Variants in ZSCAN23 observed in about 807,000 individuals in gnomAD.
ZSCAN23 encodes the protein zinc finger and SCAN domain-containing protein 23.
ZSCAN23 carries 19 observed loss-of-function variants against 19.3 expected under a neutral mutation model. The ratio of observed to expected loss-of-function variants is 0.99; its 90% CI spans 0.69 to 1.45. ZSCAN23 has a LOEUF of 1.45. Ranked by LOEUF, ZSCAN23 falls within the 40% of genes most tolerant of loss-of-function variation. ZSCAN23 has a pLI of 0.00. For missense variants in ZSCAN23, 372 were observed against 462.5 expected (o/e 0.80, Z 1.79); for synonymous variants, 140 against 166.2 (o/e 0.84, Z 1.21).
At chr6:28,422,919 G>A in the ZSCAN23 span, among the ~76,000 whole-genome samples, 2 of 152,138 alleles carry the variant, frequency 1.3e-5, no homozygotes, top group Admixed American at 1.3e-4. This position sits in a 1 kb window ranked among gnomAD's most constrained non-coding sequence, Gnocchi z 4.0. Context: ...CCTCCTCAGC[G>A]TTCTCCTTAA....
At chr6:28,430,191 A>C (rs1217600407), downstream of ZSCAN23, among the ~76,000 whole-genome samples, 4 of 139,966 alleles carry the variant, frequency 2.9e-5, no homozygotes, top group Admixed American at 2.9e-4. Flanking sequence ...CCAGGGTCTC[A>C]GGCATCAGGG....
chr6:28,435,935 T>G lies in ZSCAN23; in HGVS notation c.332A>C (p.His111Pro). ...TGCCTCCTCTCCACTCACAGGACGG[T>G]GCTGTCTGACCCAGGCCTGGAGCTC... ...PEELQAWVRQ[H>P]RPVSGEEAVT... Residue 111 changes from histidine to proline, a missense_variant, in exon 2 of 4, where the codon CAC becomes CCC. His to Pro is a moderately conservative substitution (Grantham distance 77). Transcript: ENST00000289788. 6.2e-7 allele frequency: 1 copy of G among 1,614,164 alleles called. No individual in the cohort carries two copies. Among genetic ancestry groups the G allele is most frequent in the Non-Finnish European group, 8.5e-7 (1 of 1,180,004 alleles).
chr6:28,438,454 G>A (rs1168106394), intron 1 of ZSCAN23, among the ~76,000 whole-genome samples: 1 of 152,178 alleles, frequency 6.6e-6, no homozygotes, highest in Admixed American at 6.5e-5. Flanking sequence ...ACTAAGAATA[G>A]GGTATTTTAT....
chr6:28,422,606 A>G, the ZSCAN23 span, among the ~76,000 whole-genome samples: 1 of 152,198 alleles, frequency 6.6e-6, no homozygotes, highest in African/African-American at 2.4e-5. The surrounding 1 kb of genome is among the most constrained non-coding windows in gnomAD (Gnocchi z 4.0). Context: ...ATATAGAAAA[A>G]CATTCTCCTG....
chr6:28,441,239 C>T (rs985926392), intron 1 of ZSCAN23, among the ~76,000 whole-genome samples: 4 of 152,152 alleles, frequency 2.6e-5, no homozygotes, highest in Non-Finnish European at 4.4e-5. Flanking sequence ...CCCTCACCTC[C>T]GCTGACACCA....
downstream of ZSCAN23, among the ~76,000 whole-genome samples, chr6:28,428,653 G>GC (rs1341940926): frequency 6.6e-6 from 1 of 151,928 alleles, no homozygotes; most frequent in Non-Finnish European, 1.5e-5. Context: ...TTTCAGTTTT[G>GC]CCCCTTTCCA....
chr6:28,430,315 C>T (rs574559389), downstream of ZSCAN23, among the ~76,000 whole-genome samples: 27 of 152,222 alleles, frequency 1.8e-4, no homozygotes, highest in African/African-American at 6.5e-4. Flanking sequence ...CACAGGCACA[C>T]TCAGAGCTCC....
At chr6:28,442,938 T>C (rs1160291365) in intron 1 of ZSCAN23, among the ~76,000 whole-genome samples, 1 of 152,198 alleles carries the variant, frequency 6.6e-6, no homozygotes, top group Non-Finnish European at 1.5e-5. Flanking sequence ...GTAGATGCTA[T>C]TTATTCTTTT....
At chr6:28,426,230 A>G in the ZSCAN23 span, among the ~76,000 whole-genome samples, 1 of 152,230 alleles carries the variant, frequency 6.6e-6, no homozygotes, top group Non-Finnish European at 1.5e-5. Flanking sequence ...CAAGAGGCCT[A>G]GCTTTCAACC....
At chr6:28,436,424 A>C (rs1249935659) in intron 1 of ZSCAN23, 81 bp from the exon 2 acceptor site, 1 of 665,412 alleles carries the variant, frequency 1.5e-6, no homozygotes, top group African/African-American at 1.8e-5. Flanking sequence ...TTTACACTAA[A>C]ATCAGTCACT....
At chr6:28,436,477 C>A (rs1561979026) in intron 1 of ZSCAN23, 134 bp from the exon 2 acceptor site, 2 of 456,844 alleles carry the variant, frequency 4.4e-6, no homozygotes, top group Non-Finnish European at 7.6e-6. Flanking sequence ...ATGATAGATA[C>A]TTTAGAAATA....
intron 1 of ZSCAN23, among the ~76,000 whole-genome samples, chr6:28,439,255 T>C (rs1322646573): frequency 1.3e-5 from 2 of 151,960 alleles, no homozygotes; most frequent in Non-Finnish European, 2.9e-5. Context: ...CCTAGCTAAT[T>C]TTTGTATTTT....
In ZSCAN23 at chr6:28,433,185, A is replaced by G. The variant is rs1204571796; in HGVS notation, c.*1280T>C. 6.6e-6 allele frequency: 1 copy of G among 152,134 alleles called. No homozygotes were observed. Among genetic ancestry groups the G allele is most frequent in the African/African-American group, 2.4e-5 (1 of 41,442 alleles). 9.4% of individuals were successfully genotyped at this position (152,134 alleles called of 1,614,324 possible). A position where few individuals can be genotyped will look rare whatever the true frequency, so the allele number is the denominator to read the frequency against. ...ATGGGTGGGTTTGTTGAGCAACTTC[A>G]GTGACTTATAAATCCTATAAATTCC... On this transcript the variant is annotated 3_prime_UTR_variant, in exon 4 of 4. Coordinates refer to ENST00000289788, the MANE Select transcript of ZSCAN23 (RefSeq NM_001012455.2).
the ZSCAN23 span, among the ~76,000 whole-genome samples, chr6:28,425,995 A>G: frequency 1.3e-5 from 2 of 152,066 alleles, no homozygotes; most frequent in African/African-American, 4.8e-5. Flanking sequence ...CAGCTTCCTC[A>G]TCTCTCTCAG....
chr6:28,435,464 C>T lies in ZSCAN23; in HGVS notation c.552G>A (p.Glu184=). 1 of 1,551,316 alleles carries T rather than the reference C, an allele frequency of 6.4e-7. No homozygotes were observed. Among genetic ancestry groups the T allele is most frequent in the Non-Finnish European group, 8.7e-7 (1 of 1,146,830 alleles). Residue 184 remains glutamate (E), a synonymous_variant, in exon 3 of 4, where the codon GAG becomes GAA. Transcript: ENST00000289788. ...YNLREVCPVQ[E]IDGKAGTWNV... ...TGAGGAAATCCTGATCCTCACCAAT[C>T]TCTTGAACTGGGCACACCTCTCGCA...
In ZSCAN23 at chr6:28,435,847, C is replaced by T; in HGVS notation, c.408+12G>A. On this transcript the variant is annotated intron_variant, in intron 2 of 3. Transcript: ENST00000289788. ...CTTATAGGTACAAATCCCTGTTCTC[C>T]CATCTTCTCACCTGCTCTCCTGGGT... The T allele has an allele frequency of 6.4e-7, 1 of 1,560,138 alleles. No individual in the cohort carries two copies. The highest frequency in any genetic ancestry group is 8.6e-7 in the Non-Finnish European group (1 of 1,157,334).
At chr6:28,422,016 T>C in the ZSCAN23 span, among the ~76,000 whole-genome samples, 1 of 151,934 alleles carries the variant, frequency 6.6e-6, no homozygotes, top group African/African-American at 2.4e-5. The surrounding 1 kb of genome is among the most constrained non-coding windows in gnomAD (Gnocchi z 4.0). Context: ...TTACAGCAAA[T>C]ATTGAAATAT....
chr6:28,427,373 A>C (rs566312149), downstream of ZSCAN23, among the ~76,000 whole-genome samples: 1 of 152,352 alleles, frequency 6.6e-6, no homozygotes, highest in African/African-American at 2.4e-5. Flanking sequence ...TGCATTGCTT[A>C]ATCACATGGT....
In ZSCAN23 at chr6:28,433,185, A is replaced by T. The variant is rs1204571796; in HGVS notation, c.*1280T>A. 6.6e-6 allele frequency: 1 copy of T among 152,134 alleles called. No individual in the cohort carries two copies. Among genetic ancestry groups the T allele is most frequent in the Non-Finnish European group, 1.5e-5 (1 of 67,978 alleles). The allele number at this position is 152,134 out of a possible 1,614,324, so 9.4% of individuals were successfully genotyped here. A position where few individuals can be genotyped will look rare whatever the true frequency, so the allele number is the denominator to read the frequency against. On this transcript the variant is annotated 3_prime_UTR_variant, in exon 4 of 4. Transcript: ENST00000289788. ...ATGGGTGGGTTTGTTGAGCAACTTC[A>T]GTGACTTATAAATCCTATAAATTCC... is the stretch of plus-strand genomic sequence containing the variant.
Sources: gnomAD v4.1 joint callset for allele counts (sites outside exome capture counted in the v4.1 genomes callset) on GRCh38, gnomAD v4.1.1 for gene constraint, Gnocchi (gnomAD v3.1) non-coding constraint, MANE v1.5 for transcripts, NCBI Gene and HGNC (gene_info 2026-07-23, HGNC 2026-07-21) for gene names.